Variants in COBL observed in about 807,000 individuals in gnomAD.
COBL encodes the protein protein cordon-bleu.
Under a neutral mutation model 98.8 loss-of-function variants are expected in COBL, and 51 were observed. That is an observed-to-expected ratio of 0.52 (90% CI 0.41 to 0.65). COBL has a LOEUF of 0.65. Ranked by LOEUF, COBL falls within the 30% of genes least tolerant of loss-of-function variation. The probability of loss-of-function intolerance (pLI) is 0.00; values close to 1 mark genes in which losing one functional copy is unlikely to be tolerated. For synonymous variants in COBL, 634 were observed against 651.7 expected, an observed-to-expected ratio of 0.97 and a Z score of 0.41; for missense variants, 1,617 against 1,617.5, an observed-to-expected ratio of 1.00 and a Z score of 0.01.
chr7:51,265,630 T>A (rs1798126935), intron 1 of COBL, among the ~76,000 whole-genome samples: 1 of 152,150 alleles, frequency 6.6e-6, no homozygotes, highest in African/African-American at 2.4e-5. Context: ...AAGCCCTGGA[T>A]GATGTGATAC....
intron 6 of COBL, among the ~76,000 whole-genome samples, chr7:51,088,272 C>G (rs1389708176): frequency 6.6e-6 from 1 of 152,148 alleles, no homozygotes; most frequent in African/African-American, 2.4e-5. Context: ...TCAATTAATT[C>G]AACACTGAGG....
intron 1 of COBL, among the ~76,000 whole-genome samples, chr7:51,233,361 A>G (rs994286405): frequency 6.6e-6 from 1 of 152,174 alleles, no homozygotes; most frequent in African/African-American, 2.4e-5. Context: ...AGGCAAGAAC[A>G]TATTAAGGAT....
chr7:51,221,787 G>C (rs539925639), intron 1 of COBL, among the ~76,000 whole-genome samples: 1 of 152,300 alleles, frequency 6.6e-6, no homozygotes, highest in Non-Finnish European at 1.5e-5. Context: ...CTTATAAAAT[G>C]AAAGAGGTCA....
At chr7:51,271,867 T>A (rs117507376) in intron 1 of COBL, among the ~76,000 whole-genome samples, 1 of 152,012 alleles carries the variant, frequency 6.6e-6, no homozygotes, top group African/African-American at 2.4e-5. Flanking sequence ...CCCATATCTA[T>A]GAAAAATACA....
intron 5 of COBL, among the ~76,000 whole-genome samples, chr7:51,158,675 C>T (rs73120414): frequency 0.022 from 3,301 of 152,070 alleles, 49 homozygotes; most frequent in Non-Finnish European, 0.031. Context: ...AGTGTCCGCC[C>T]CTGCCCTTTT....
At chr7:51,267,068 G>C (rs62448325) in intron 1 of COBL, among the ~76,000 whole-genome samples, 2 of 151,846 alleles carry the variant, frequency 1.3e-5, no homozygotes, top group East Asian at 3.9e-4. Flanking sequence ...AGAAATCTCC[G>C]CTCACCACCA....
intron 6 of COBL, among the ~76,000 whole-genome samples, chr7:51,112,226 T>C (rs1440275229): frequency 2.0e-5 from 3 of 152,238 alleles, no homozygotes; most frequent in Non-Finnish European, 4.4e-5. Flanking sequence ...AGTAAGTATC[T>C]TTGCTATACA....
At chr7:51,062,370 C>G (rs1791466545) in intron 7 of COBL, among the ~76,000 whole-genome samples, 1 of 145,472 alleles carries the variant, frequency 6.9e-6, no homozygotes, top group Non-Finnish European at 1.6e-5. Flanking sequence ...TCTCCAAAGC[C>G]TCCATAATCC....
intron 5 of COBL, among the ~76,000 whole-genome samples, chr7:51,153,675 T>C (rs1344869881): frequency 6.6e-6 from 1 of 152,148 alleles, no homozygotes; most frequent in East Asian, 1.9e-4. Context: ...TTCCCTTCCT[T>C]GTCATCAAGG....
At chr7:51,209,961 C>T (rs1018897128) in intron 2 of COBL, among the ~76,000 whole-genome samples, 6 of 152,158 alleles carry the variant, frequency 3.9e-5, no homozygotes, top group African/African-American at 7.2e-5. Context: ...GTGGACAGCC[C>T]GGGGCTCCAC....
chr7:51,168,634 T>C (rs1208546295), intron 5 of COBL, among the ~76,000 whole-genome samples: 2 of 152,278 alleles, frequency 1.3e-5, no homozygotes, highest in East Asian at 3.9e-4. Context: ...CTGGTGAAGA[T>C]GTGGAGAAAA....
chr7:51,063,812 T>C (rs1302330056), intron 7 of COBL, among the ~76,000 whole-genome samples: 2 of 152,188 alleles, frequency 1.3e-5, no homozygotes, highest in African/African-American at 4.8e-5. Context: ...TTAGGATCTG[T>C]TGACTCCAAC....
chr7:51,139,561 C>T (rs955103078), intron 5 of COBL, among the ~76,000 whole-genome samples: 9 of 152,192 alleles, frequency 5.9e-5, no homozygotes, highest in African/African-American at 1.9e-4. Context: ...CCAAGGAGGT[C>T]GATTGCAGGG....
chr7:51,108,543 A>G (rs556018044), intron 6 of COBL, among the ~76,000 whole-genome samples: 2 of 152,320 alleles, frequency 1.3e-5, no homozygotes, highest in East Asian at 1.9e-4. Context: ...ACAGTTTTGC[A>G]AAGTGATTGT....
At chr7:51,132,658 G>A (rs566783691) in intron 6 of COBL, among the ~76,000 whole-genome samples, 9 of 152,210 alleles carry the variant, frequency 5.9e-5, no homozygotes, top group African/African-American at 2.2e-4. Flanking sequence ...CCTGAGACTG[G>A]GTAATTTACA....
chr7:51,245,664 G>C (rs909031668), intron 1 of COBL, among the ~76,000 whole-genome samples: 1 of 152,144 alleles, frequency 6.6e-6, no homozygotes, highest in East Asian at 1.9e-4. Flanking sequence ...TAATTCCTAG[G>C]GAGTCTATAA....
chr7:51,154,314 T>C (rs1785878278), intron 5 of COBL, among the ~76,000 whole-genome samples: 1 of 152,154 alleles, frequency 6.6e-6, no homozygotes, highest in African/African-American at 2.4e-5. Context: ...CACAGACCAA[T>C]GTGCTATGAG....
At chr7:51,024,109 A>G (rs1336928529) in intron 12 of COBL, among the ~76,000 whole-genome samples, 1 of 152,104 alleles carries the variant, frequency 6.6e-6, no homozygotes, top group East Asian at 1.9e-4. Flanking sequence ...GGAGATCGAG[A>G]CCATCCTGGC....
chr7:51,065,592 C>G (rs1055367335), intron 7 of COBL: 17 of 602,856 alleles, frequency 2.8e-5, no homozygotes, highest in Non-Finnish European at 4.7e-5. Flanking sequence ...GGTGGCAGGG[C>G]CCAGGCCTCC....
Sources: allele counts gnomAD v4.1 joint callset (sites outside exome capture counted in the v4.1 genomes callset), GRCh38; gene constraint gnomAD v4.1.1; transcripts MANE v1.5; gene names NCBI Gene and HGNC (gene_info 2026-07-23, HGNC 2026-07-21).